The following PPP3CB variants were observed in gnomAD, a reference collection of about 807,000 sequenced individuals.
PPP3CB encodes the protein serine/threonine-protein phosphatase 2B catalytic subunit beta isoform.
In PPP3CB, 8 loss-of-function variants were observed where a neutral mutation model predicts 66.4. The observed-to-expected ratio is 0.12, with a 90% CI of 0.07 to 0.22. The LOEUF (loss-of-function observed/expected upper bound fraction) is 0.22. PPP3CB is among the 10% of genes least tolerant of loss of function. The pLI is 1.00. For synonymous variants in PPP3CB, 208 were observed against 221.2 expected (o/e 0.94, Z 0.53); for missense variants, 319 against 642.5 (o/e 0.50, Z 5.44).
At chr10:73,439,984 A>C in intron 12 of PPP3CB, 83 bp from the exon 13 acceptor site, 1 of 1,367,214 alleles carries the variant, frequency 7.3e-7, no homozygotes, top group Non-Finnish European at 1.0e-6. Context: ...GGCAATGATC[A>C]CTTAAAATAT....
chr10:73,454,365 A>C, intron 10 of PPP3CB, 47 bp downstream of exon 10: 1 of 1,455,058 alleles, frequency 6.9e-7, no homozygotes, highest in East Asian at 2.3e-5. Context: ...CAGTAAAGAA[A>C]TACCATTTCA....
At chr10:73,447,853 C>T (rs1187407589) in intron 10 of PPP3CB, among the ~76,000 whole-genome samples, 1 of 151,198 alleles carries the variant, frequency 6.6e-6, no homozygotes, top group Non-Finnish European at 1.5e-5. Flanking sequence ...GTGTGGGTAC[C>T]TGGGTACCAC....
intron 3 of PPP3CB, among the ~76,000 whole-genome samples, chr10:73,477,614 G>C (rs933200488): frequency 6.6e-6 from 1 of 152,034 alleles, no homozygotes; most frequent in Admixed American, 6.6e-5. Flanking sequence ...GCTGCATTTT[G>C]TTTATATAAT....
At chr10:73,455,837 T>C (rs1489682868) in intron 9 of PPP3CB, among the ~76,000 whole-genome samples, 2 of 152,240 alleles carry the variant, frequency 1.3e-5, no homozygotes, top group African/African-American at 4.8e-5. Context: ...CCCAAAGTGC[T>C]GGGATTACAG....
intron 1 of PPP3CB, among the ~76,000 whole-genome samples, chr10:73,490,935 T>G (rs2057062515): frequency 6.6e-6 from 1 of 151,256 alleles, no homozygotes; most frequent in South Asian, 2.1e-4. Context: ...CAGGTTCAAG[T>G]GATTCTCCTG....
chr10:73,458,293 C>A (rs1319327960), intron 9 of PPP3CB, among the ~76,000 whole-genome samples: 4 of 152,020 alleles, frequency 2.6e-5, no homozygotes, highest in African/African-American at 7.2e-5. Flanking sequence ...CGCACCACCA[C>A]ACTCAGCTAA....
intron 10 of PPP3CB, among the ~76,000 whole-genome samples, chr10:73,448,130 G>C (rs1189795746): frequency 2.0e-5 from 3 of 151,950 alleles, no homozygotes; most frequent in Non-Finnish European, 4.4e-5. Context: ...GCTAGACTGG[G>C]GATAAGCAGT....
At chr10:73,457,748 AAAAAG>A (rs1231468470) in intron 9 of PPP3CB, among the ~76,000 whole-genome samples, 147 of 152,034 alleles carry the variant, frequency 9.7e-4, no homozygotes, top group African/African-American at 1.7e-3. Context: ...AAAAAAAAAA[AAAAAG>A]AAAGAAAGAA....
chr10:73,468,166 T>C (rs777291530), intron 8 of PPP3CB, among the ~76,000 whole-genome samples: 1 of 152,162 alleles, frequency 6.6e-6, no homozygotes, highest in African/African-American at 2.4e-5. Context: ...ACATTTTACT[T>C]ATAAATGTAT....
At chr10:73,451,567 AAAAG>A (rs1323810210) in intron 10 of PPP3CB, among the ~76,000 whole-genome samples, 5 of 150,426 alleles carry the variant, frequency 3.3e-5, no homozygotes, top group South Asian at 2.1e-4. Flanking sequence ...TATTTTTTAA[AAAAG>A]AAAGAAAGAG....
intron 1 of PPP3CB, among the ~76,000 whole-genome samples, chr10:73,495,237 C>G (rs572391358): frequency 6.6e-6 from 1 of 152,344 alleles, no homozygotes; most frequent in East Asian, 1.9e-4. Context: ...CGACCCTTCA[C>G]CGTGATCCAA....
At chr10:73,444,542 G>A in intron 12 of PPP3CB, 183 bp downstream of exon 12, 1 of 1,527,284 alleles carries the variant, frequency 6.5e-7, no homozygotes, top group South Asian at 1.2e-5. Context: ...CATTCTATCA[G>A]TTTTCTGCCC....
At position 73,470,749 on chromosome 10, in the gene PPP3CB, C is replaced by A; in HGVS notation, c.920G>T (p.Gly307Val). 6.2e-7 allele frequency: 1 copy of A among 1,603,860 alleles called. No homozygotes were observed. Residue 307 changes from glycine to valine, a missense_variant, in exon 8 of 14, where the codon GGG (glycine) becomes GTG (valine). Physicochemically the swap from Gly to Val is moderately radical, Grantham distance 109. This residue lies in a region of PPP3CB where 120 missense variants were observed against 331.2 expected (regional missense o/e 0.36). Transcript: ENST00000360663. ...AAAAATTGTTATTAATGAAGGGAAC[C>A]CTGTAGTTTGACTTTTTCTGTACAT... Reference protein sequence around the residue: ...YRMYRKSQTTGFPSLITIFSA... With the variant: ...YRMYRKSQTTVFPSLITIFSA...
intron 3 of PPP3CB, among the ~76,000 whole-genome samples, chr10:73,477,460 C>A (rs183717457): frequency 2.0e-5 from 3 of 151,848 alleles, no homozygotes; most frequent in Non-Finnish European, 2.9e-5. Flanking sequence ...AATGATGCTA[C>A]GAGTTTATAT....
At chr10:73,474,874 A>G (rs771735823) in intron 4 of PPP3CB, 45 bp downstream of exon 4, 2 of 1,604,966 alleles carry the variant, frequency 1.2e-6, no homozygotes, top group Non-Finnish European at 1.7e-6. Flanking sequence ...CTTAAGTCCA[A>G]AAGAATACTG....
In PPP3CB at chr10:73,479,142, T is replaced by C. The variant is rs377297101; in HGVS notation, c.286+175A>G. On this transcript the variant is annotated intron_variant, in intron 2 of 13. Coordinates refer to ENST00000360663, the MANE Select transcript of PPP3CB (RefSeq NM_021132.4). ...TACACTCAGATTATTTAGAATCATG[T>C]CTATTCACTGAAAACAGGCAATCAT... Among the ~76,000 whole-genome samples, 7 of 152,242 alleles carry C rather than the reference T, an allele frequency of 4.6e-5. No homozygotes were observed. In the East Asian group the frequency reaches 5.8e-4, roughly 13 times the overall value.
chr10:73,458,443 T>A (rs891919634), intron 9 of PPP3CB, among the ~76,000 whole-genome samples: 7 of 151,662 alleles, frequency 4.6e-5, no homozygotes, highest in African/African-American at 1.5e-4. Flanking sequence ...GGCAAAAAAA[T>A]TTTTTAATAA....
chr10:73,461,370 C>A (rs896572526), intron 9 of PPP3CB, among the ~76,000 whole-genome samples: 1 of 152,002 alleles, frequency 6.6e-6, no homozygotes. Flanking sequence ...TCACTTTAAC[C>A]CAGGAGGCGG....
At chr10:73,493,679 T>C (rs1004597017) in intron 1 of PPP3CB, among the ~76,000 whole-genome samples, 6 of 152,196 alleles carry the variant, frequency 3.9e-5, no homozygotes, top group African/African-American at 1.4e-4. Context: ...GGTTAACAAA[T>C]TCCATAAAGA....
Sources: allele counts gnomAD v4.1 joint callset (sites outside exome capture counted in the v4.1 genomes callset), GRCh38; gene constraint gnomAD v4.1.1; regional missense constraint gnomAD v4.1.1; transcripts MANE v1.5; gene names NCBI Gene and HGNC (gene_info 2026-07-23, HGNC 2026-07-21).